The following GRIK3 variants were observed in gnomAD, a reference collection of about 807,000 sequenced individuals.
GRIK3 encodes glutamate receptor ionotropic, kainate 3.
In GRIK3, 29 loss-of-function variants were observed where a neutral mutation model predicts 102.5. The ratio of observed to expected loss-of-function variants is 0.28; its 90% confidence interval spans 0.21 to 0.39. The LOEUF (loss-of-function observed/expected upper bound fraction) is 0.39, where lower values mean the gene tolerates loss of function less well. Ranked by LOEUF, GRIK3 falls within the 10% of genes least tolerant of loss-of-function variation. GRIK3 has a pLI of 1.00. For missense variants in GRIK3, 908 were observed against 1,252.4 expected (o/e 0.73, Z 4.15); for synonymous variants, 511 against 504.9 (o/e 1.01, Z -0.16).
intron 5 of GRIK3, among the ~76,000 whole-genome samples, chr1:36,865,623 C>G (rs929971773): frequency 1.3e-5 from 2 of 152,226 alleles, no homozygotes; most frequent in Admixed American, 6.5e-5. Context: ...CACTGCAGAA[C>G]TGTGTGTATT....
chr1:36,963,531 C>T (rs1288497041), intron 1 of GRIK3, among the ~76,000 whole-genome samples: 2 of 152,180 alleles, frequency 1.3e-5, no homozygotes, highest in Non-Finnish European at 2.9e-5. Context: ...CCACTCTGAG[C>T]CGCATGCCAT....
At chr1:37,032,859 A>G (rs1348952789) in intron 1 of GRIK3, among the ~76,000 whole-genome samples, 1 of 152,160 alleles carries the variant, frequency 6.6e-6, no homozygotes, top group African/African-American at 2.4e-5. Flanking sequence ...TACGGAAACC[A>G]AGCCCGACAC....
intron 1 of GRIK3, among the ~76,000 whole-genome samples, chr1:37,017,452 A>C (rs1557465010): frequency 1.3e-5 from 2 of 152,066 alleles, no homozygotes; most frequent in South Asian, 4.2e-4. Flanking sequence ...AAAAACCATA[A>C]AAAAGAAGCT....
chr1:36,965,073 T>C (rs1642065136), intron 1 of GRIK3, among the ~76,000 whole-genome samples: 1 of 152,198 alleles, frequency 6.6e-6, no homozygotes, highest in African/African-American at 2.4e-5. Context: ...AGGCGTGTGG[T>C]ACCTGAAAAA....
intron 1 of GRIK3, among the ~76,000 whole-genome samples, chr1:36,997,585 G>T (rs1642434319): frequency 1.3e-5 from 2 of 152,212 alleles, no homozygotes; most frequent in South Asian, 4.1e-4. Context: ...AGCGGTGGAG[G>T]TGCCCCCAGG....
chr1:36,989,728 A>G (rs975595429), intron 1 of GRIK3, among the ~76,000 whole-genome samples: 27 of 152,116 alleles, frequency 1.8e-4, no homozygotes, highest in African/African-American at 6.3e-4. Context: ...AGCTGGGTCC[A>G]TGGGGTCTTC....
chr1:37,020,888 G>A (rs527954363), intron 1 of GRIK3, among the ~76,000 whole-genome samples: 1 of 152,324 alleles, frequency 6.6e-6, no homozygotes, highest in East Asian at 1.9e-4. Context: ...GAACACAGAG[G>A]TTGGGGTGTC....
In GRIK3 at chr1:36,953,106, C is replaced by T. The variant is rs115121998; in HGVS notation, c.116-62010G>A. Among the ~76,000 whole-genome samples, 857 of 152,292 alleles carry T rather than the reference C, an allele frequency of 5.6e-3. 10 individuals are homozygous for T. Among genetic ancestry groups the T allele is most frequent in the African/African-American group, 0.019 (802 of 41,552 alleles). ...TTTACTCATGCATTCATTCAGCACA[C>T]GTCTGTTGGGCTCCATGTCTGTGCA... On this transcript the variant is annotated intron_variant, in intron 1 of 15. Coordinates refer to ENST00000373091, the MANE Select transcript of GRIK3 (RefSeq NM_000831.4).
At chr1:36,848,956 GT>G (rs572366147) in intron 9 of GRIK3, among the ~76,000 whole-genome samples, 171 of 152,262 alleles carry the variant, frequency 1.1e-3, no homozygotes, top group Admixed American at 2.7e-3. Flanking sequence ...GGGGACAGGT[GT>G]CCCCTAAGAC....
chr1:36,956,759 C>T (rs1430495005), intron 1 of GRIK3, among the ~76,000 whole-genome samples: 1 of 152,242 alleles, frequency 6.6e-6, no homozygotes, highest in African/African-American at 2.4e-5. Flanking sequence ...CCCGGGCCAA[C>T]AATTGACTCT....
chr1:36,843,179 A>G (rs550078918), intron 9 of GRIK3, among the ~76,000 whole-genome samples: 1 of 152,276 alleles, frequency 6.6e-6, no homozygotes, highest in Non-Finnish European at 1.5e-5. Flanking sequence ...TCCAGTCGAG[A>G]TATGCAGTGT....
chr1:36,976,609 C>A (rs1439632852), intron 1 of GRIK3, among the ~76,000 whole-genome samples: 6 of 152,038 alleles, frequency 3.9e-5, no homozygotes, highest in Non-Finnish European at 8.8e-5. Flanking sequence ...GATTGGGACC[C>A]AGGAGGTATG....
rs1557700492 is a variant in GRIK3, at chr1:36,845,377, G to T, written c.1327-3438C>A. 2.6e-5 allele frequency among the ~76,000 whole-genome samples: 4 copies of T among 152,282 alleles called. No individual in the cohort carries two copies. The East Asian group carries it at 7.7e-4, about 29-fold the overall frequency. On this transcript the variant is annotated intron_variant, in intron 9 of 15. Transcript: ENST00000373091. Reference sequence around the variant, plus strand: ...CTTCAACAAGTCACGGAAAACAGGGGTCCAGAAAAATAACCGTTTCTGACT... The same window carrying T: ...CTTCAACAAGTCACGGAAAACAGGGTTCCAGAAAAATAACCGTTTCTGACT...
chr1:36,896,765 A>G (rs1161363878), intron 1 of GRIK3, among the ~76,000 whole-genome samples: 2 of 152,178 alleles, frequency 1.3e-5, no homozygotes, highest in Non-Finnish European at 2.9e-5. Flanking sequence ...TCTACAATAA[A>G]CCTATTTTAA....
At chr1:37,026,222 A>G (rs1642763324) in intron 1 of GRIK3, among the ~76,000 whole-genome samples, 1 of 152,244 alleles carries the variant, frequency 6.6e-6, no homozygotes. Flanking sequence ...TCAGGGAAGA[A>G]CAAGCACCCC....
intron 10 of GRIK3, among the ~76,000 whole-genome samples, chr1:36,826,981 C>A (rs373662833): frequency 3.3e-5 from 5 of 152,280 alleles, no homozygotes; most frequent in African/African-American, 1.2e-4. Context: ...CTCCTTCAGC[C>A]CCATGTTCTG....
intron 6 of GRIK3, 142 bp downstream of exon 6, chr1:36,859,702 C>G (rs1023150594): frequency 4.4e-5 from 31 of 696,694 alleles, no homozygotes; most frequent in Non-Finnish European, 7.6e-5. Flanking sequence ...TGTCCCCAAT[C>G]CCTAGCCTGG....
intron 1 of GRIK3, among the ~76,000 whole-genome samples, chr1:36,894,460 A>C (rs1045818414): frequency 1.3e-5 from 2 of 152,228 alleles, no homozygotes; most frequent in Admixed American, 6.5e-5. Flanking sequence ...AGTGGTTTCC[A>C]GTCTCTGGTC....
At chr1:36,988,219 A>T (rs1341331280) in intron 1 of GRIK3, among the ~76,000 whole-genome samples, 2 of 152,178 alleles carry the variant, frequency 1.3e-5, no homozygotes, top group Non-Finnish European at 2.9e-5. Context: ...TGAACTCAGG[A>T]GGTGGAGGTT....
Sources: gnomAD v4.1 joint callset for allele counts (sites outside exome capture counted in the v4.1 genomes callset) on GRCh38, gnomAD v4.1.1 for gene constraint, MANE v1.5 for transcripts, NCBI Gene and HGNC (gene_info 2026-07-23, HGNC 2026-07-21) for gene names.